Variants in TAF4B observed in about 807,000 individuals in gnomAD.
TAF4B encodes the protein transcription initiation factor TFIID subunit 4B.
A neutral mutation model predicts 86.4 loss-of-function variants in TAF4B; 38 were observed. That is an observed-to-expected ratio of 0.44 (90% CI 0.34 to 0.58). The LOEUF is 0.58. TAF4B is among the 20% of genes least tolerant of loss of function. The probability of loss-of-function intolerance (pLI) is 0.02; values close to 1 mark genes in which losing one functional copy is unlikely to be tolerated. For synonymous variants in TAF4B, 388 were observed against 391.2 expected (o/e 0.99, Z 0.10); for missense variants, 988 against 1,027.6 (o/e 0.96, Z 0.53).
rs140548044 is a variant in TAF4B at position 26,333,886 on chromosome 18, C to G, written c.2260-1289C>G. ...TATCATCTGTCTCCAAAGGCTAGAA[C>G]AGTAGCACACAGAGTAGAATCTGTA... is the stretch of plus-strand genomic sequence containing the variant. On this transcript the variant is annotated intron_variant, in intron 12 of 14. Coordinates refer to ENST00000269142, the MANE Select transcript of TAF4B (RefSeq NM_005640.3). Among the ~76,000 whole-genome samples the G allele has an allele frequency of 2.8e-3, 428 of 152,154 alleles. 5 individuals carry two copies. Among genetic ancestry groups the G allele is most frequent in the East Asian group, 0.019 (98 of 5,186 alleles).
At chr18:26,340,991 G>T (rs1007998208) in intron 13 of TAF4B, among the ~76,000 whole-genome samples, 2 of 152,002 alleles carry the variant, frequency 1.3e-5, no homozygotes, top group Non-Finnish European at 2.9e-5. Flanking sequence ...AAATGGAAAA[G>T]AAAATATTAG....
At position 26,302,861 on chromosome 18, in the gene TAF4B, ATCTT is replaced by A. The variant is rs2056751673; in HGVS notation, c.1832+9336_1832+9339del. Among the ~76,000 whole-genome samples, 3 of 151,170 alleles carry A rather than the reference ATCTT, an allele frequency of 2.0e-5. No homozygotes were observed. The South Asian group carries it at 6.3e-4, about 32-fold the overall frequency. On this transcript the variant is annotated intron_variant, in intron 9 of 14. Coordinates refer to ENST00000269142, the MANE Select transcript of TAF4B (RefSeq NM_005640.3). Reference sequence around the variant, plus strand: ...ATATATGGATCTTCTCTTTTTTTTAATCTTTCTTTTTTTAAAATGCCTCTAATCA... The same window carrying A: ...ATATATGGATCTTCTCTTTTTTTTAATCTTTTTTTAAAATGCCTCTAATCA...
chr18:26,261,172 A>ATTTTTT (rs71169839), intron 1 of TAF4B, among the ~76,000 whole-genome samples: 3 of 77,104 alleles, frequency 3.9e-5, no homozygotes, highest in African/African-American at 1.0e-4. Context: ...GAGCACTGTC[A>ATTTTTT]TTTTTTTTTT....
At chr18:26,237,970 C>T (rs563661655) in intron 1 of TAF4B, among the ~76,000 whole-genome samples, 1 of 152,114 alleles carries the variant, frequency 6.6e-6, no homozygotes, top group Admixed American at 6.6e-5. Flanking sequence ...TGCCGAAGAA[C>T]CTGCAACGGT....
At chr18:26,374,151 G>A (rs2057426450) in intron 14 of TAF4B, among the ~76,000 whole-genome samples, 1 of 152,070 alleles carries the variant, frequency 6.6e-6, no homozygotes, top group African/African-American at 2.4e-5. Flanking sequence ...TCTTCCCAGG[G>A]CAAATTGTGT....
At chr18:26,288,463 C>T (rs1448226470) in intron 7 of TAF4B, among the ~76,000 whole-genome samples, 10 of 152,052 alleles carry the variant, frequency 6.6e-5, no homozygotes, top group South Asian at 2.1e-4. Context: ...GGCAAAGCCC[C>T]GTCTCTACTA....
At chr18:26,346,482 C>T (rs941169492) in intron 13 of TAF4B, among the ~76,000 whole-genome samples, 1 of 151,736 alleles carries the variant, frequency 6.6e-6, no homozygotes, top group African/African-American at 2.4e-5. Context: ...TTTGGAGAGA[C>T]ACATCCAGGT....
At chr18:26,261,257 C>T (rs1422560496) in intron 1 of TAF4B, among the ~76,000 whole-genome samples, 1 of 132,836 alleles carries the variant, frequency 7.5e-6, no homozygotes, top group South Asian at 2.4e-4. Context: ...TCTCGGCTCA[C>T]TGCCGGGATC....
intron 11 of TAF4B, among the ~76,000 whole-genome samples, chr18:26,322,649 A>G (rs915036114): frequency 2.0e-5 from 3 of 152,084 alleles, no homozygotes; most frequent in Admixed American, 1.3e-4. Context: ...TTTGCTAGTA[A>G]AGCGAATGGT....
At chr18:26,302,600 T>C (rs2056748017) in intron 9 of TAF4B, among the ~76,000 whole-genome samples, 1 of 151,992 alleles carries the variant, frequency 6.6e-6, no homozygotes, top group Admixed American at 6.6e-5. Context: ...TGGCCTCAAG[T>C]GATCCTCCTG....
In TAF4B at chr18:26,292,365, T is replaced by C; in HGVS notation, c.1710T>C (p.Thr570=). The stretch of plus-strand genomic sequence containing the variant: ...TGCCAGTGAACACCATAATACCTAC[T>C]AGTCAGTTTCCTCCAGGTAGATGCT... The part of the protein sequence containing the change: ...KTMPVNTIIP[T]SQFPPASILK... Residue 570 remains threonine (T), a synonymous_variant, in exon 8 of 15, where the codon ACT becomes ACC. Coordinates refer to ENST00000269142, the MANE Select transcript of TAF4B (RefSeq NM_005640.3). The C allele has an allele frequency of 6.2e-7, 1 of 1,613,272 alleles. No individual in the cohort carries two copies. Among genetic ancestry groups the C allele is most frequent in the East Asian group, 2.2e-5 (1 of 44,840 alleles).
At chr18:26,321,496 T>G (rs986920816) in intron 11 of TAF4B, among the ~76,000 whole-genome samples, 1 of 151,522 alleles carries the variant, frequency 6.6e-6, no homozygotes, top group Non-Finnish European at 1.5e-5. Context: ...GAATGGAATA[T>G]TGGCTACTTG....
At chr18:26,325,031 T>C (rs1234931297) in intron 11 of TAF4B, among the ~76,000 whole-genome samples, 1 of 152,234 alleles carries the variant, frequency 6.6e-6, no homozygotes, top group African/African-American at 2.4e-5. Context: ...CCCCATCTCT[T>C]TCCACTCTTG....
chr18:26,387,480 A>G (rs1377238120), intron 14 of TAF4B, among the ~76,000 whole-genome samples: 2 of 152,208 alleles, frequency 1.3e-5, no homozygotes, highest in Non-Finnish European at 2.9e-5. Flanking sequence ...CAAAAATCTT[A>G]TGAAGATATT....
chr18:26,226,850 C>T lies in TAF4B; in HGVS notation c.-84C>T. 8.7e-7 allele frequency: 1 copy of T among 1,149,136 alleles called. No homozygotes were observed. The highest frequency in any genetic ancestry group is 3.2e-5 in the East Asian group (1 of 30,950). The allele number at this position is 1,149,136 out of a possible 1,614,324, so 71.2% of individuals were successfully genotyped here. A position where few individuals can be genotyped will look rare whatever the true frequency, so the allele number is the denominator to read the frequency against. Reference sequence around the variant, plus strand: ...CGATGCTGTGGAACCCGAACCGCACCGGAGTCGGCTGCCGCGCGCCAAGCC... The same window carrying T: ...CGATGCTGTGGAACCCGAACCGCACTGGAGTCGGCTGCCGCGCGCCAAGCC... On this transcript the variant is annotated 5_prime_UTR_variant, in exon 1 of 15. Transcript: ENST00000269142.
At chr18:26,334,025 A>G in intron 12 of TAF4B, among the ~76,000 whole-genome samples, 1 of 151,920 alleles carries the variant, frequency 6.6e-6, no homozygotes, top group Middle Eastern at 3.5e-3. Context: ...GTATATATAT[A>G]TAATGCATAT....
chr18:26,234,086 C>T (rs1365834368), intron 1 of TAF4B, among the ~76,000 whole-genome samples: 1 of 152,092 alleles, frequency 6.6e-6, no homozygotes, highest in Non-Finnish European at 1.5e-5. Context: ...TGTTGTTAAC[C>T]ACCCCGAGGG....
At chr18:26,300,046 A>G (rs2056712004) in intron 9 of TAF4B, among the ~76,000 whole-genome samples, 1 of 152,094 alleles carries the variant, frequency 6.6e-6, no homozygotes, top group African/African-American at 2.4e-5. Flanking sequence ...TGTGGCCCAG[A>G]TTAGAGTGCA....
At chr18:26,295,213 A>G (rs1363432473) in intron 9 of TAF4B, 3 of 413,032 alleles carry the variant, frequency 7.3e-6, no homozygotes, top group Admixed American at 2.7e-5. Flanking sequence ...TTATATGCGT[A>G]TATTAAAATG....
Sources: allele counts gnomAD v4.1 joint callset (sites outside exome capture counted in the v4.1 genomes callset), GRCh38; gene constraint gnomAD v4.1.1; transcripts MANE v1.5; gene names NCBI Gene and HGNC (gene_info 2026-07-23, HGNC 2026-07-21).